TNFRSF21: variants seen among roughly 807,000 people sequenced by gnomAD.
TNFRSF21 encodes the protein tumor necrosis factor receptor superfamily member 21.
In TNFRSF21, 19 loss-of-function variants were observed where a neutral mutation model predicts 45.6. That is an observed-to-expected ratio of 0.42 (90% confidence interval 0.29 to 0.61). The LOEUF (loss-of-function observed/expected upper bound fraction) is 0.61, where lower values mean the gene tolerates loss of function less well. TNFRSF21 is among the 20% of genes least tolerant of loss of function. The pLI, the probability that TNFRSF21 is intolerant of heterozygous loss-of-function variation, is 0.23. For missense variants in TNFRSF21, 737 were observed against 851.5 expected (o/e 0.87, Z 1.67); for synonymous variants, 314 against 335.5 (o/e 0.94, Z 0.70).
chr6:47,242,498 T>A (rs996252692), intron 4 of TNFRSF21, among the ~76,000 whole-genome samples: 8 of 152,214 alleles, frequency 5.3e-5, no homozygotes, highest in African/African-American at 1.9e-4. Flanking sequence ...AAAGTGTCAA[T>A]AGCCAATCCT....
At chr6:47,309,385 GCCGCCAC>G in intron 1 of TNFRSF21, 24 bp downstream of exon 1, 1 of 1,517,116 alleles carries the variant, frequency 6.6e-7, no homozygotes, top group Non-Finnish European at 8.8e-7. Context: ...CTCCGGCGCC[GCCGCCAC>G]CCCCGGTCCA....
At chr6:47,275,561 A>T (rs1762485892) in intron 3 of TNFRSF21, among the ~76,000 whole-genome samples, 1 of 152,238 alleles carries the variant, frequency 6.6e-6, no homozygotes, top group East Asian at 1.9e-4. Flanking sequence ...GTAAATGATG[A>T]GTTGATAGGT....
intron 3 of TNFRSF21, among the ~76,000 whole-genome samples, chr6:47,282,863 G>GC (rs1215756530): frequency 6.6e-6 from 1 of 152,020 alleles, no homozygotes; most frequent in Admixed American, 6.5e-5. Flanking sequence ...AATTTACTTA[G>GC]TTTTTCCCTA....
intron 3 of TNFRSF21, among the ~76,000 whole-genome samples, chr6:47,264,804 TG>T (rs1762309080): frequency 6.6e-6 from 1 of 152,030 alleles, no homozygotes; most frequent in South Asian, 2.1e-4. Context: ...GGCAGTGGGA[TG>T]GGGGCGGGGG....
rs948282691 is a variant in TNFRSF21 at position 47,309,689 on chromosome 6, G to T, written c.-178C>A. 1.1e-6 allele frequency: 1 copy of T among 936,368 alleles called. No individual in the cohort carries two copies. The highest frequency in any genetic ancestry group is 1.7e-5 in the African/African-American group (1 of 57,548). 58.0% of individuals were successfully genotyped at this position (936,368 alleles called of 1,614,324 possible). A position where few individuals can be genotyped will look rare whatever the true frequency, so the allele number is the denominator to read the frequency against. ...GAGGGAGGCGGCAAGGGAGGCTCTA[G>T]GGGCGCTCAGCACCTGCCCAGCGGC... On this transcript the variant is annotated 5_prime_UTR_variant, in exon 1 of 6. Coordinates refer to ENST00000296861, the MANE Select transcript of TNFRSF21 (RefSeq NM_014452.5).
At chr6:47,281,438 C>T (rs1196153388) in intron 3 of TNFRSF21, among the ~76,000 whole-genome samples, 3 of 150,872 alleles carry the variant, frequency 2.0e-5, no homozygotes, top group Non-Finnish European at 4.4e-5. Context: ...CGGAGTGCAG[C>T]GGCACGATCC....
Position 47,232,442 on chromosome 6 carries a change from T to C in TNFRSF21, c.*323A>G, listed in dbSNP as rs556558861. 12 of 264,990 alleles carry C rather than the reference T, an allele frequency of 4.5e-5. No homozygotes were observed. In the Admixed American group the frequency reaches 5.9e-4, roughly 13 times the overall value. 16.4% of individuals were successfully genotyped at this position (264,990 alleles called of 1,614,324 possible). On this transcript the variant is annotated 3_prime_UTR_variant, in exon 6 of 6. Coordinates refer to ENST00000296861, the MANE Select transcript of TNFRSF21 (RefSeq NM_014452.5). ...TAAATTTAAAGTGCACAGAATAATC[T>C]TGAAAATACATAAGAAGGCAAAATG...
At chr6:47,257,863 G>A (rs748995271) in intron 3 of TNFRSF21, among the ~76,000 whole-genome samples, 11 of 152,140 alleles carry the variant, frequency 7.2e-5, no homozygotes, top group African/African-American at 1.4e-4. Flanking sequence ...CAAGGAAATC[G>A]CATGTTGGGG....
intron 1 of TNFRSF21, among the ~76,000 whole-genome samples, chr6:47,304,495 C>A (rs2113871709): frequency 6.6e-6 from 1 of 152,240 alleles, no homozygotes; most frequent in African/African-American, 2.4e-5. Flanking sequence ...AGGACAAAGA[C>A]CACCTGCCAG....
intron 4 of TNFRSF21, among the ~76,000 whole-genome samples, chr6:47,242,644 C>T (rs1582316220): frequency 4.6e-5 from 7 of 152,336 alleles, no homozygotes; most frequent in Admixed American, 6.5e-5. Flanking sequence ...CAGCCCCGCC[C>T]CGCTACCGGC....
chr6:47,252,492 G>GT (rs1186199489), intron 4 of TNFRSF21, among the ~76,000 whole-genome samples: 2 of 152,170 alleles, frequency 1.3e-5, no homozygotes, highest in Non-Finnish European at 2.9e-5. Context: ...CATCATGGTC[G>GT]TAACTACCAC....
chr6:47,259,072 A>G (rs867906685), intron 3 of TNFRSF21, among the ~76,000 whole-genome samples: 2 of 152,254 alleles, frequency 1.3e-5, no homozygotes, highest in Non-Finnish European at 2.9e-5. Flanking sequence ...AAAGCATTTC[A>G]TTAAAAGAAA....
chr6:47,301,845 C>A (rs545106612), intron 1 of TNFRSF21, among the ~76,000 whole-genome samples: 1 of 152,218 alleles, frequency 6.6e-6, no homozygotes, highest in South Asian at 2.1e-4. Flanking sequence ...TATAAATGAC[C>A]CAGTCTTGGG....
intron 1 of TNFRSF21, among the ~76,000 whole-genome samples, chr6:47,289,483 T>C (rs1279038438): frequency 6.6e-6 from 1 of 152,200 alleles, no homozygotes; most frequent in Non-Finnish European, 1.5e-5. Context: ...AAAAGGACAG[T>C]TGTTGATTCT....
chr6:47,251,088 T>C (rs762978872), intron 4 of TNFRSF21, among the ~76,000 whole-genome samples: 46 of 151,930 alleles, frequency 3.0e-4, no homozygotes, highest in Non-Finnish European at 1.2e-4. Flanking sequence ...TCTGAAAAAA[T>C]CCAAAATCTA....
intron 3 of TNFRSF21, 86 bp from the exon 4 acceptor site, chr6:47,253,607 A>G (rs1764936930): frequency 1.4e-6 from 2 of 1,477,078 alleles, no homozygotes; most frequent in African/African-American, 2.8e-5. Context: ...TGAATGAACT[A>G]GAAGAGGCAC....
At chr6:47,274,254 A>G (rs147221745) in intron 3 of TNFRSF21, among the ~76,000 whole-genome samples, 17 of 152,358 alleles carry the variant, frequency 1.1e-4, no homozygotes, top group South Asian at 4.1e-4. Flanking sequence ...AGGCTATAGT[A>G]ACCAAAATAG....
chr6:47,302,307 G>A (rs1182417558), intron 1 of TNFRSF21, among the ~76,000 whole-genome samples: 2 of 152,130 alleles, frequency 1.3e-5, no homozygotes, highest in African/African-American at 2.4e-5. Context: ...GATGGTACAA[G>A]CCCGTGCACT....
rs1762771270 is a variant in TNFRSF21 at position 47,294,641 on chromosome 6, C to G, written c.97-8046G>C. Among the ~76,000 whole-genome samples the G allele has an allele frequency of 2.0e-5, 3 of 152,128 alleles. No homozygotes were observed. In the South Asian group the frequency reaches 6.2e-4, roughly 31 times the overall value. On this transcript the variant is annotated intron_variant, in intron 1 of 5. Coordinates refer to ENST00000296861, the MANE Select transcript of TNFRSF21 (RefSeq NM_014452.5). ...TACAAGAATTACACTCTGCAGGGTGCTTAAGGTGACAAGCAAATGTATCAA... is the reference window on the plus strand; with the variant it reads ...TACAAGAATTACACTCTGCAGGGTGGTTAAGGTGACAAGCAAATGTATCAA...
Sources: gnomAD v4.1 joint callset for allele counts (sites outside exome capture counted in the v4.1 genomes callset) on GRCh38, gnomAD v4.1.1 for gene constraint, MANE v1.5 for transcripts, NCBI Gene and HGNC (gene_info 2026-07-23, HGNC 2026-07-21) for gene names.